KSR2: variants seen among roughly 807,000 people sequenced by gnomAD.
KSR2 encodes the protein kinase suppressor of ras 2.
KSR2 carries 25 observed loss-of-function variants against 107.8 expected under a neutral mutation model. That is an observed-to-expected ratio of 0.23 (90% confidence interval 0.17 to 0.32). The LOEUF is 0.32. Ranked by LOEUF, KSR2 falls within the 10% of genes least tolerant of loss-of-function variation. KSR2 has a pLI of 1.00. For missense variants in KSR2, 887 were observed against 1,268.9 expected, an observed-to-expected ratio of 0.70 and a Z score of 4.57; for synonymous variants, 480 against 507.0, an observed-to-expected ratio of 0.95 and a Z score of 0.71.
Position 117,695,198 on chromosome 12 carries a change from T to C in KSR2, c.987-27540A>G, listed in dbSNP as rs139116468. ...CCTAGAACAGTCAAAATTGTCGAGA[T>C]AGAAAATAGAGTGATGGTTGGCCAA... On this transcript the variant is annotated intron_variant, in intron 4 of 19. Coordinates refer to ENST00000339824, the MANE Select transcript of KSR2 (RefSeq NM_173598.6). Among the ~76,000 whole-genome samples, 178 of 152,126 alleles carry C rather than the reference T, an allele frequency of 1.2e-3. 1 individual carries two copies. The highest frequency in any genetic ancestry group is 4.1e-3 in the African/African-American group (171 of 41,502).
At chr12:117,648,427 C>A (rs1163893622) in intron 5 of KSR2, among the ~76,000 whole-genome samples, 2 of 152,160 alleles carry the variant, frequency 1.3e-5, no homozygotes, top group South Asian at 2.1e-4. Flanking sequence ...ACTGAGTAAC[C>A]ATTGTGCCCC....
chr12:117,525,079 C>T lies in KSR2; in HGVS notation c.1992G>A (p.Glu664=). The T allele has an allele frequency of 6.2e-7, 1 of 1,614,016 alleles. No individual in the cohort carries two copies. The highest frequency in any genetic ancestry group is 8.5e-7 in the Non-Finnish European group (1 of 1,179,894). ...IFLQEWDIPF[E]QLEIGELIGK... ...CAATGAGCTCGCCGATCTCCAGCTG[C>T]TCAAAGGGGATGTCCCACTCCTGAA... The change falls in exon 14 of 20, where the codon GAG becomes GAA. Residue 664 remains glutamate, a synonymous_variant. Coordinates refer to ENST00000339824, the MANE Select transcript of KSR2 (RefSeq NM_173598.6).
chr12:117,950,356 A>C (rs1415880765), intron 1 of KSR2, among the ~76,000 whole-genome samples: 1 of 152,180 alleles, frequency 6.6e-6, no homozygotes, highest in Non-Finnish European at 1.5e-5. Flanking sequence ...ACATGTAATA[A>C]AGCAAATATA....
chr12:117,615,684 C>T (rs1593054092), intron 5 of KSR2, among the ~76,000 whole-genome samples: 1 of 152,156 alleles, frequency 6.6e-6, no homozygotes, highest in Non-Finnish European at 1.5e-5. Flanking sequence ...GAAGTGGATC[C>T]TTTCGGCCTC....
rs571242507 is a variant in KSR2, at chr12:117,453,802, G to A, written c.*13397C>T. On this transcript the variant is annotated 3_prime_UTR_variant, in exon 20 of 20. Transcript: ENST00000339824. ...TCTGCCTGGTCCAGGTATGGTCAAG[G>A]GCACAGATGTAATGTGACTTGCCTT... 5.9e-5 allele frequency: 9 copies of A among 152,290 alleles called. No individual in the cohort carries two copies. In the East Asian group the frequency reaches 1.7e-3, roughly 29 times the overall value. 9.4% of individuals were successfully genotyped at this position (152,290 alleles called of 1,614,324 possible). A position where few individuals can be genotyped will look rare whatever the true frequency, so the allele number is the denominator to read the frequency against.
rs533739632 is a variant in KSR2 at position 117,647,764 on chromosome 12, C to T, written c.1171+19710G>A. ...TAGTGACAGAGTCTCACTCTGTCGC[C>T]CAGGCTGGAGTGCAGTGGCGTGATC... On this transcript the variant is annotated intron_variant, in intron 5 of 19. Coordinates refer to ENST00000339824, the MANE Select transcript of KSR2 (RefSeq NM_173598.6). 1.8e-3 allele frequency among the ~76,000 whole-genome samples: 280 copies of T among 152,230 alleles called. 3 individuals carry two copies. Among genetic ancestry groups the T allele is most frequent in the Non-Finnish European group, 2.0e-3 (133 of 68,018 alleles).
chr12:117,609,752 A>C (rs1028722747), intron 5 of KSR2, among the ~76,000 whole-genome samples: 1 of 152,100 alleles, frequency 6.6e-6, no homozygotes, highest in Admixed American at 6.5e-5. Context: ...ATGATTCCTC[A>C]TGTTGGAGGA....
intron 5 of KSR2, among the ~76,000 whole-genome samples, chr12:117,589,782 G>A (rs1880214147): frequency 1.3e-5 from 2 of 152,150 alleles, no homozygotes; most frequent in African/African-American, 2.4e-5. Flanking sequence ...TTTTAATTAT[G>A]TGCAGTTTCT....
chr12:117,782,024 C>T (rs1329520091), intron 3 of KSR2, among the ~76,000 whole-genome samples: 1 of 152,212 alleles, frequency 6.6e-6, no homozygotes, highest in Admixed American at 6.5e-5. Flanking sequence ...CCCCTAGTTA[C>T]CAACCCTGTA....
intron 4 of KSR2, among the ~76,000 whole-genome samples, chr12:117,739,956 G>A (rs1008140001): frequency 6.0e-5 from 9 of 151,054 alleles, no homozygotes; most frequent in African/African-American, 1.5e-4. Context: ...ATAGGCTTTC[G>A]GGGAACAGGT....
At chr12:117,909,948 G>A (rs894607870) in intron 1 of KSR2, among the ~76,000 whole-genome samples, 2 of 151,856 alleles carry the variant, frequency 1.3e-5, no homozygotes, top group East Asian at 1.9e-4. Flanking sequence ...GCAAGGGCAT[G>A]GTGGCATGGT....
intron 7 of KSR2, among the ~76,000 whole-genome samples, chr12:117,565,514 G>A (rs1878428248): frequency 3.3e-5 from 5 of 152,190 alleles, no homozygotes; most frequent in Admixed American, 3.3e-4. Context: ...TATGTGAAAA[G>A]TACTGAACAT....
rs780247292 is a variant in KSR2 at position 117,539,905 on chromosome 12, G to A, written c.1519-18C>T. ...ATGTGGTCCTGCAGAGAGAAAACAG[G>A]GTAGGAGTCAGGGACAGGCAGGGAA... On this transcript the variant is annotated intron_variant, in intron 9 of 19. Transcript: ENST00000339824. 1.9e-6 allele frequency: 3 copies of A among 1,586,672 alleles called. No homozygotes were observed. Among genetic ancestry groups the A allele is most frequent in the Admixed American group, 1.8e-5 (1 of 54,482 alleles).
At chr12:117,824,716 G>T (rs529230258) in intron 3 of KSR2, among the ~76,000 whole-genome samples, 1 of 152,002 alleles carries the variant, frequency 6.6e-6, no homozygotes, top group African/African-American at 2.4e-5. Context: ...CATTAGCTGG[G>T]TGTGGTGGCA....
chr12:117,890,978 C>T (rs961729470), intron 1 of KSR2: 8 of 152,074 alleles, frequency 5.3e-5, no homozygotes, highest in African/African-American at 1.7e-4. Flanking sequence ...GTCATCCCTC[C>T]CTTCAGAAAA....
intron 1 of KSR2, among the ~76,000 whole-genome samples, chr12:117,914,420 C>G (rs1271032590): frequency 8.1e-6 from 1 of 123,180 alleles, no homozygotes; most frequent in Non-Finnish European, 1.6e-5. Context: ...CAGAGTGAGA[C>G]TGTCTCAAAA....
At chr12:117,581,399 G>C (rs1368806214) in intron 6 of KSR2, among the ~76,000 whole-genome samples, 1 of 152,208 alleles carries the variant, frequency 6.6e-6, no homozygotes, top group East Asian at 1.9e-4. Context: ...GGAAATATAA[G>C]AGGAAAGAAT....
At chr12:117,783,377 G>A (rs975097142) in intron 3 of KSR2, among the ~76,000 whole-genome samples, 4 of 152,146 alleles carry the variant, frequency 2.6e-5, no homozygotes, top group African/African-American at 9.7e-5. Flanking sequence ...AACAGCAATC[G>A]GGTGAGGGCT....
chr12:117,886,742 T>C (rs1385503919), intron 1 of KSR2, among the ~76,000 whole-genome samples: 1 of 152,166 alleles, frequency 6.6e-6, no homozygotes, highest in African/African-American at 2.4e-5. Context: ...ATGTCTATTA[T>C]ATGACATCTA....
Sources: gnomAD v4.1 joint callset for allele counts (sites outside exome capture counted in the v4.1 genomes callset) on GRCh38, gnomAD v4.1.1 for gene constraint, MANE v1.5 for transcripts, NCBI Gene and HGNC (gene_info 2026-07-23, HGNC 2026-07-21) for gene names.